Variants in CLDN10 observed in about 807,000 individuals in gnomAD.
CLDN10 encodes the protein claudin 10, also known as claudin-10.
In CLDN10, 15 loss-of-function variants were observed where a neutral mutation model predicts 22.9. The observed-to-expected ratio is 0.65, with a 90% CI of 0.44 to 1.01. The LOEUF is 1.01. Among genes scored for constraint, CLDN10 ranks in the 50% least tolerant of loss-of-function variants. The pLI is 0.00. For synonymous variants in CLDN10, 114 were observed against 111.4 expected, an observed-to-expected ratio of 1.02 and a Z score of -0.15; for missense variants, 247 against 287.8, an observed-to-expected ratio of 0.86 and a Z score of 1.03.
chr13:95,538,739 G>A (rs2043427798), intron 1 of CLDN10, among the ~76,000 whole-genome samples: 2 of 152,000 alleles, frequency 1.3e-5, no homozygotes, highest in South Asian at 4.1e-4. Flanking sequence ...CTCTTCCTCT[G>A]CCTATTGCTA....
intron 1 of CLDN10, among the ~76,000 whole-genome samples, chr13:95,530,981 A>G (rs1469433102): frequency 1.3e-5 from 2 of 149,940 alleles, no homozygotes; most frequent in African/African-American, 4.9e-5. Flanking sequence ...GGCTGAGTGC[A>G]GCGGCACAAT....
chr13:95,503,242 A>T (rs534691292), intron 1 of CLDN10, among the ~76,000 whole-genome samples: 10 of 152,254 alleles, frequency 6.6e-5, no homozygotes, highest in Non-Finnish European at 1.5e-4. Context: ...AATAAAAGCC[A>T]CAAGAGTGAA....
intron 1 of CLDN10, among the ~76,000 whole-genome samples, chr13:95,481,441 G>A (rs2042746358): frequency 6.6e-6 from 1 of 152,128 alleles, no homozygotes; most frequent in African/African-American, 2.4e-5. Flanking sequence ...AGCCTCCCAG[G>A]TAAAGCTGGT....
chr13:95,569,492 G>A (rs937162171), intron 3 of CLDN10, among the ~76,000 whole-genome samples: 16 of 152,140 alleles, frequency 1.1e-4, no homozygotes, highest in African/African-American at 2.9e-4. Context: ...GCTGAGGCAG[G>A]AGAATCACTT....
At position 95,517,998 on chromosome 13, in the gene CLDN10, TA is replaced by T. The variant is rs371486384; in HGVS notation, c.215-42130del. Among the ~76,000 whole-genome samples the T allele has an allele frequency of 9.2e-4, 140 of 151,804 alleles. 1 individual carries two copies. The highest frequency in any genetic ancestry group is 3.3e-3 in the African/African-American group (135 of 41,416). ...TTGATAATCAACGAACAGTCCATTTTAAAAGTTAGACAGGACATATTCCTGA... is the reference window on the plus strand; with the variant it reads ...TTGATAATCAACGAACAGTCCATTTTAAAGTTAGACAGGACATATTCCTGA... On this transcript the variant is annotated intron_variant, in intron 1 of 4. Coordinates refer to the CLDN10 transcript ENST00000376873.
intron 1 of CLDN10, among the ~76,000 whole-genome samples, chr13:95,472,560 C>T (rs1174036357): frequency 6.6e-6 from 1 of 151,274 alleles, no homozygotes; most frequent in East Asian, 1.9e-4. Flanking sequence ...ATCCCAGGTA[C>T]TTGGGAAGCT....
intron 1 of CLDN10, among the ~76,000 whole-genome samples, chr13:95,484,988 C>T (rs922215910): frequency 1.2e-4 from 18 of 151,948 alleles, no homozygotes; most frequent in African/African-American, 3.1e-4. Context: ...GGAGGGATTC[C>T]GCCCTAGAGT....
At chr13:95,564,705 G>A (rs1338718170) in intron 3 of CLDN10, among the ~76,000 whole-genome samples, 3 of 152,338 alleles carry the variant, frequency 2.0e-5, no homozygotes, top group Non-Finnish European at 4.4e-5. Context: ...CATGAACCAA[G>A]TTCCCTATAC....
chr13:95,556,052 C>CT lies in CLDN10; in HGVS notation c.220+3090dup, dbSNP rs531808961. Among the ~76,000 whole-genome samples the CT allele has an allele frequency of 5.4e-3, 796 of 146,384 alleles. 7 individuals are homozygous for CT. The highest frequency in any genetic ancestry group is 0.012 in the African/African-American group (475 of 40,240). ...GAGGTCATTATTCTGAATTTCTTTT[C>CT]TTTTTTTTTTTGAGACAAAGTTTCA... On this transcript the variant is annotated intron_variant, in intron 1 of 4. Coordinates refer to ENST00000299339, the MANE Select transcript of CLDN10 (RefSeq NM_006984.5).
At chr13:95,574,656 G>A (rs1367169058) in intron 3 of CLDN10, among the ~76,000 whole-genome samples, 1 of 152,112 alleles carries the variant, frequency 6.6e-6, no homozygotes, top group East Asian at 1.9e-4. Flanking sequence ...TGTAATCCCA[G>A]CTACTCGGGA....
chr13:95,552,698 C>A (rs892555164), upstream of CLDN10: 17 of 1,535,314 alleles, frequency 1.1e-5, no homozygotes, highest in Admixed American at 2.5e-4. Context: ...GTTGGGAGTG[C>A]GGGGGTCGCG....
intron 1 of CLDN10, among the ~76,000 whole-genome samples, chr13:95,540,046 T>G (rs958791847): frequency 9.9e-5 from 15 of 152,040 alleles, no homozygotes; most frequent in African/African-American, 3.6e-4. Context: ...ACGCCTGTAA[T>G]TCCAGCACTT....
At chr13:95,490,331 T>C (rs1422143012) in intron 1 of CLDN10, among the ~76,000 whole-genome samples, 1 of 152,204 alleles carries the variant, frequency 6.6e-6, no homozygotes, top group Admixed American at 6.5e-5. Flanking sequence ...TTCACAATAT[T>C]AATTCTACCC....
intron 3 of CLDN10, among the ~76,000 whole-genome samples, chr13:95,562,584 C>A (rs2043729627): frequency 6.6e-6 from 1 of 151,974 alleles, no homozygotes; most frequent in Non-Finnish European, 1.5e-5. Context: ...GAAATAAAAA[C>A]CAAGGCTGTA....
chr13:95,504,905 G>A (rs1762980687), intron 1 of CLDN10, among the ~76,000 whole-genome samples: 1 of 152,042 alleles, frequency 6.6e-6, no homozygotes, highest in Non-Finnish European at 1.5e-5. Flanking sequence ...TATTACACTG[G>A]AAATTCTCAC....
chr13:95,480,450 A>G (rs1352218118), intron 1 of CLDN10, among the ~76,000 whole-genome samples: 1 of 152,172 alleles, frequency 6.6e-6, no homozygotes, highest in East Asian at 1.9e-4. Context: ...CCAGATGCGG[A>G]AGAGAGATAA....
At chr13:95,565,596 T>A (rs906486580) in intron 3 of CLDN10, among the ~76,000 whole-genome samples, 14 of 152,210 alleles carry the variant, frequency 9.2e-5, no homozygotes, top group Admixed American at 3.9e-4. Flanking sequence ...TTGTGGCTAT[T>A]TAGTAGTTAG....
At chr13:95,547,401 CACTT>C (rs1332386450) in intron 1 of CLDN10, among the ~76,000 whole-genome samples, 1 of 152,134 alleles carries the variant, frequency 6.6e-6, no homozygotes. Context: ...CAGCCTTATT[CACTT>C]ACTGCTGTTA....
At chr13:95,463,285 AATAT>A (rs200962205) in intron 1 of CLDN10, among the ~76,000 whole-genome samples, 1,060 of 39,992 alleles carry the variant, frequency 0.027, 38 homozygotes, top group East Asian at 0.082. Context: ...GCAAATGCTT[AATAT>A]ATATATATAT....
Sources: allele counts gnomAD v4.1 joint callset (sites outside exome capture counted in the v4.1 genomes callset), GRCh38; gene constraint gnomAD v4.1.1; transcripts MANE v1.5; gene names NCBI Gene and HGNC (gene_info 2026-07-23, HGNC 2026-07-21).